The following PDE4D variants were observed in gnomAD, a reference collection of about 807,000 sequenced individuals.
The protein encoded by PDE4D is 3',5'-cyclic-AMP phosphodiesterase 4D.
PDE4D carries 24 observed loss-of-function variants against 87.4 expected under a neutral mutation model. That is an observed-to-expected ratio of 0.27 (90% CI 0.20 to 0.39). The LOEUF is 0.39. PDE4D is among the 10% of genes least tolerant of loss of function. PDE4D has a pLI of 1.00. For synonymous variants in PDE4D, 384 were observed against 383.2 expected (o/e 1.00, Z -0.02); for missense variants, 714 against 1,041.0 (o/e 0.69, Z 4.32).
chr5:59,857,550 T>A (rs1361545289), intron 1 of PDE4D, among the ~76,000 whole-genome samples: 1 of 152,118 alleles, frequency 6.6e-6, no homozygotes, highest in Non-Finnish European at 1.5e-5. Context: ...CTTCCAGGTT[T>A]ATTTCCCTGA....
At chr5:60,075,298 A>T (rs1219846042) in intron 2 of PDE4D, among the ~76,000 whole-genome samples, 3 of 152,166 alleles carry the variant, frequency 2.0e-5, no homozygotes, top group Non-Finnish European at 4.4e-5. Context: ...TCAAATTCTC[A>T]GTTGGAATAT....
At chr5:60,303,952 T>C (rs1395804327) in intron 1 of PDE4D, 1 of 152,216 alleles carries the variant, frequency 6.6e-6, no homozygotes, top group Non-Finnish European at 1.5e-5. Flanking sequence ...CTCTAAGAAT[T>C]TGCTTTATGA....
chr5:59,343,278 G>A (rs1779068699), intron 1 of PDE4D, among the ~76,000 whole-genome samples: 1 of 151,994 alleles, frequency 6.6e-6, no homozygotes, highest in East Asian at 1.9e-4. Flanking sequence ...TATTCCTCTT[G>A]TCTAACTGAA....
At chr5:59,516,068 A>G (rs1465953733) in intron 1 of PDE4D, among the ~76,000 whole-genome samples, 2 of 152,246 alleles carry the variant, frequency 1.3e-5, no homozygotes, top group Non-Finnish European at 1.5e-5. Flanking sequence ...TTCATGAACT[A>G]TATGATAGAA....
chr5:60,430,942 C>T (rs1241581635), intron 1 of PDE4D: 2 of 286,038 alleles, frequency 7.0e-6, no homozygotes, highest in Non-Finnish European at 1.4e-5. Flanking sequence ...ATGTCTACCT[C>T]TTTCTACACA....
In PDE4D at chr5:58,973,760, A is replaced by AGAG. The variant is rs1408490498; in HGVS notation, c.*901_*903dup. On this transcript the variant is annotated 3_prime_UTR_variant, in exon 15 of 15. Coordinates refer to ENST00000340635, the MANE Select transcript of PDE4D (RefSeq NM_001104631.2). Reference sequence around the variant, plus strand: ...GAAGAGCAACTCTGCTTATCTGGAAAGAGTGAAACAAAATGCAAAGTAAAT... The same window carrying AGAG: ...GAAGAGCAACTCTGCTTATCTGGAAAGAGGAGTGAAACAAAATGCAAAGTAAAT... 13 of 152,042 alleles carry AGAG rather than the reference A, an allele frequency of 8.6e-5. No homozygotes were observed. The East Asian group carries it at 2.3e-3, about 27-fold the overall frequency. 9.4% of individuals were successfully genotyped at this position (152,042 alleles called of 1,614,324 possible).
chr5:60,290,968 CAAAG>C (rs1304303369), intron 1 of PDE4D, among the ~76,000 whole-genome samples: 1 of 152,164 alleles, frequency 6.6e-6, no homozygotes, highest in African/African-American at 2.4e-5. Context: ...TGCTGTAACA[CAAAG>C]AAAGAGACCT....
At chr5:59,559,292 A>G (rs1226506055) in intron 1 of PDE4D, among the ~76,000 whole-genome samples, 1 of 152,202 alleles carries the variant, frequency 6.6e-6, no homozygotes, top group African/African-American at 2.4e-5. Context: ...GCTACTTACT[A>G]TAATAGTTTA....
At chr5:60,227,321 G>C (rs966411625) in intron 1 of PDE4D, among the ~76,000 whole-genome samples, 1 of 151,922 alleles carries the variant, frequency 6.6e-6, no homozygotes, top group African/African-American at 2.4e-5. Flanking sequence ...AAAATATAAA[G>C]ATTAGAGAAC....
chr5:59,223,034 A>T (rs1373731290), intron 1 of PDE4D, among the ~76,000 whole-genome samples: 2 of 152,082 alleles, frequency 1.3e-5, no homozygotes, highest in East Asian at 3.9e-4. Flanking sequence ...ACCTAAAGGG[A>T]GAGATGAAAG....
intron 1 of PDE4D, among the ~76,000 whole-genome samples, chr5:59,454,254 C>T (rs56975405): frequency 0.018 from 2,809 of 152,308 alleles, 89 homozygotes; most frequent in African/African-American, 0.065. Flanking sequence ...GCTGTGTCGC[C>T]ACCCAAATCT....
intron 1 of PDE4D, among the ~76,000 whole-genome samples, chr5:59,440,012 C>G (rs28505532): frequency 0.093 from 14,097 of 152,172 alleles, 1,888 homozygotes; most frequent in African/African-American, 0.29. Context: ...AAGCTAACGT[C>G]ACCTAGAGCT....
intron 1 of PDE4D, among the ~76,000 whole-genome samples, chr5:59,331,147 TATA>T (rs981191316): frequency 6.6e-6 from 1 of 152,212 alleles, no homozygotes; most frequent in African/African-American, 2.4e-5. Flanking sequence ...GAATTTAGTT[TATA>T]ATATTATTTC....
chr5:59,912,222 C>A (rs1209329370), intron 3 of PDE4D, among the ~76,000 whole-genome samples: 1 of 152,104 alleles, frequency 6.6e-6, no homozygotes, highest in Admixed American at 6.6e-5. Context: ...GACAGAAGAG[C>A]CTGATATATA....
chr5:59,168,134 T>C (rs1451954779), intron 5 of PDE4D, among the ~76,000 whole-genome samples: 1 of 151,744 alleles, frequency 6.6e-6, no homozygotes, highest in Non-Finnish European at 1.5e-5. Flanking sequence ...AAGCACTGGA[T>C]ATTTAAGCAT....
chr5:59,426,148 A>G (rs180746205), intron 1 of PDE4D, among the ~76,000 whole-genome samples: 1 of 152,306 alleles, frequency 6.6e-6, no homozygotes, highest in East Asian at 1.9e-4. Context: ...AGACAACCAG[A>G]GTCCTAAGGA....
chr5:59,035,774 G>T (rs566761940), intron 6 of PDE4D, among the ~76,000 whole-genome samples: 19 of 152,252 alleles, frequency 1.2e-4, no homozygotes, highest in African/African-American at 4.6e-4. Context: ...CCAAAGCTTT[G>T]AGACCTCACT....
intron 2 of PDE4D, among the ~76,000 whole-genome samples, chr5:60,139,689 T>A (rs569076933): frequency 2.6e-5 from 4 of 152,130 alleles, no homozygotes; most frequent in Non-Finnish European, 5.9e-5. Flanking sequence ...GTATCTAGGT[T>A]CAGATAGGTC....
At chr5:59,796,196 T>G (rs1227668819) in intron 1 of PDE4D, among the ~76,000 whole-genome samples, 4 of 152,148 alleles carry the variant, frequency 2.6e-5, no homozygotes, top group Admixed American at 6.6e-5. Flanking sequence ...TTGGGAGAAA[T>G]TTCTAGATTA....
Sources: allele counts gnomAD v4.1 joint callset (sites outside exome capture counted in the v4.1 genomes callset), GRCh38; gene constraint gnomAD v4.1.1; transcripts MANE v1.5; gene names NCBI Gene and HGNC (gene_info 2026-07-23, HGNC 2026-07-21).